The following MRPS30 variants were observed in gnomAD, a reference collection of about 807,000 sequenced individuals.
The protein encoded by MRPS30 is large ribosomal subunit protein mL65.
A neutral mutation model predicts 43.8 loss-of-function variants in MRPS30; 42 were observed. The ratio of observed to expected loss-of-function variants is 0.96; its 90% CI spans 0.75 to 1.24. MRPS30 has a LOEUF of 1.24. Ranked by LOEUF, MRPS30 falls within the 50% of genes most tolerant of loss-of-function variation. The pLI is 0.00. For missense variants in MRPS30, 638 were observed against 570.0 expected (o/e 1.12, Z -1.22); for synonymous variants, 273 against 228.2 (o/e 1.20, Z -1.77).
chr5:44,809,897 G>A (rs1579855839), intron 1 of MRPS30: 6 of 283,002 alleles, frequency 2.1e-5, no homozygotes, highest in Non-Finnish European at 3.3e-5. Flanking sequence ...AGAGTGGGGC[G>A]GGCCAGGTTT....
Position 44,815,042 on chromosome 5 carries a change from A to G in MRPS30, c.1160A>G (p.Asn387Ser). ...LALTTQADQN[N>S]PRKNICWGTQ... ...CTGACTACACAAGCTGATCAAAATA[A>G]CCCTCGTAAAAATATATGTTGGGGT... is the stretch of plus-strand genomic sequence containing the variant. The change falls in exon 5 of 5, where the codon AAC becomes AGC. Residue 387 changes from asparagine (N) to serine (S), a missense_variant. Coordinates refer to ENST00000507110, the MANE Select transcript of MRPS30 (RefSeq NM_016640.4). The G allele has an allele frequency of 6.2e-7, 1 of 1,613,914 alleles. No individual in the cohort carries two copies. Among genetic ancestry groups the G allele is most frequent in the South Asian group, 1.1e-5 (1 of 91,080 alleles).
intron 4 of MRPS30, among the ~76,000 whole-genome samples, chr5:44,813,844 G>T (rs1364607475): frequency 6.6e-6 from 1 of 152,018 alleles, no homozygotes. Context: ...TATAACTAGT[G>T]GTAATACTAT....
intron 1 of MRPS30, 25 bp from the exon 2 acceptor site, chr5:44,810,984 A>G (rs1579856764): frequency 1.2e-6 from 2 of 1,605,088 alleles, no homozygotes; most frequent in East Asian, 2.2e-5. Context: ...TCAGATGAAA[A>G]AAATTTTGAA....
Position 44,814,935 on chromosome 5 carries a change from T to C in MRPS30, c.1053T>C (p.Val351=), listed in dbSNP as rs745463187. 6.2e-7 allele frequency: 1 copy of C among 1,611,676 alleles called. No homozygotes were observed. The highest frequency in any genetic ancestry group is 8.5e-7 in the Non-Finnish European group (1 of 1,178,800). The part of the protein sequence containing the change: ...MYQGFWSEAD[V]TRPFVSQAVI... ...CAGGATTCTGGAGTGAAGCAGATGT[T>C]ACTCGACCTTTTGTCTCCCAGGCTG... The change falls in exon 5 of 5, where the codon GTT becomes GTC. Residue 351 remains valine (V), a synonymous_variant. Coordinates refer to ENST00000507110, the MANE Select transcript of MRPS30 (RefSeq NM_016640.4).
In MRPS30 at chr5:44,809,414, T is replaced by A. The variant is rs538298002; in HGVS notation, c.452T>A (p.Leu151Gln). The change falls in exon 1 of 5, where the codon CTG (leucine) becomes CAG (glutamine). Residue 151 changes from leucine to glutamine, a missense_variant. Coordinates refer to ENST00000507110, the MANE Select transcript of MRPS30 (RefSeq NM_016640.4). ...CGTGCGGTCGCCTGCGACTGCCTGC[T>A]GCAGGAGCACTTCTACCTGCGGCGC... ...ALRAVACDCL[L>Q]QEHFYLRRRR... 5.0e-6 allele frequency: 8 copies of A among 1,612,890 alleles called. No individual in the cohort carries two copies. The highest frequency in any genetic ancestry group is 6.8e-6 in the Non-Finnish European group (8 of 1,179,542).
intron 3 of MRPS30, among the ~76,000 whole-genome samples, chr5:44,812,383 G>A (rs1194958209): frequency 1.3e-5 from 2 of 152,100 alleles, no homozygotes; most frequent in African/African-American, 4.8e-5. Context: ...ATGCATGGTG[G>A]TAAGATAAGG....
At position 44,811,954 on chromosome 5, in the gene MRPS30, A is replaced by T; in HGVS notation, c.787A>T (p.Thr263Ser). Residue 263 changes from threonine to serine, a missense_variant, in exon 3 of 5, where the codon ACT becomes TCT. By Grantham distance (58) the Thr-to-Ser change is moderately conservative. Coordinates refer to ENST00000507110, the MANE Select transcript of MRPS30 (RefSeq NM_016640.4). Reference protein sequence around the residue: ...LDYSVPIEIPTIKCKPDKLPL... With the variant: ...LDYSVPIEIPSIKCKPDKLPL... ...TTATTCTGTTCCTATAGAAATCCCC[A>T]CTATAAAATGTAAACCAGACAAACT... 5 of 1,599,232 alleles carry T rather than the reference A, an allele frequency of 3.1e-6. No homozygotes were observed. The highest frequency in any genetic ancestry group is 4.3e-6 in the Non-Finnish European group (5 of 1,172,330).
intron 1 of MRPS30, among the ~76,000 whole-genome samples, chr5:44,810,462 T>G (rs1045754579): frequency 6.6e-6 from 1 of 152,234 alleles, no homozygotes; most frequent in Non-Finnish European, 1.5e-5. Flanking sequence ...TATGTCTTAA[T>G]ATTTATTGAA....
Position 44,811,100 on chromosome 5 carries a change from C to T in MRPS30, c.693C>T (p.Tyr231=). 1 of 1,613,950 alleles carries T rather than the reference C, an allele frequency of 6.2e-7. No homozygotes were observed. The highest frequency in any genetic ancestry group is 8.5e-7 in the Non-Finnish European group (1 of 1,179,932). The change falls in exon 2 of 5, where the codon TAC becomes TAT. Residue 231 remains tyrosine (Y), a synonymous_variant. Coordinates refer to ENST00000507110, the MANE Select transcript of MRPS30 (RefSeq NM_016640.4). ...HRRGRIDDLR[Y]QIDDKPNNQI... Reference sequence around the variant, plus strand: ...GAGGTCGAATTGATGACTTGCGATACCAGATAGATGATAAACCAAACAACC... The same window carrying T: ...GAGGTCGAATTGATGACTTGCGATATCAGATAGATGATAAACCAAACAACC...
intron 4 of MRPS30, 104 bp downstream of exon 4, chr5:44,813,386 A>G (rs1742873874): frequency 4.0e-6 from 4 of 1,002,104 alleles, no homozygotes; most frequent in Non-Finnish European, 4.1e-6. Flanking sequence ...TTGAATCTTA[A>G]CATTTTTAAA....
chr5:44,815,012 T>G lies in MRPS30; in HGVS notation c.1130T>G (p.Leu377Trp). 1 of 1,613,880 alleles carries G rather than the reference T, an allele frequency of 6.2e-7. No homozygotes were observed. Among genetic ancestry groups the G allele is most frequent in the Middle Eastern group, 1.7e-4 (1 of 6,060 alleles). Reference sequence around the variant, plus strand: ...TTTTTCTGCTACCAGCTAAATACTTTGGCACTGACTACACAAGCTGATCAA... The same window carrying G: ...TTTTTCTGCTACCAGCTAAATACTTGGGCACTGACTACACAAGCTGATCAA... Reference protein sequence around the residue: ...FSFFCYQLNTLALTTQADQNN... With the variant: ...FSFFCYQLNTWALTTQADQNN... The change falls in exon 5 of 5, where the codon TTG becomes TGG. Residue 377 changes from leucine (L) to tryptophan (W), a missense_variant. Coordinates refer to ENST00000507110, the MANE Select transcript of MRPS30 (RefSeq NM_016640.4).
chr5:44,813,032 T>C, intron 3 of MRPS30, 74 bp from the exon 4 acceptor site: 4 of 1,462,396 alleles, frequency 2.7e-6, no homozygotes, highest in Non-Finnish European at 3.7e-6. Context: ...AAAAAAAGGC[T>C]CAAATACTAA....
chr5:44,813,211 T>C lies in MRPS30; in HGVS notation c.959T>C (p.Ile320Thr). The C allele has an allele frequency of 6.2e-7, 1 of 1,612,954 alleles. No individual in the cohort carries two copies. Among genetic ancestry groups the C allele is most frequent in the Non-Finnish European group, 8.5e-7 (1 of 1,179,516 alleles). Residue 320 changes from isoleucine to threonine, a missense_variant, in exon 4 of 5, where the codon ATA becomes ACA. Physicochemically the swap from Ile to Thr is moderately conservative, Grantham distance 89. Transcript: ENST00000507110. ...TTGAGACAAAACTGTGCTGATCAGA[T>C]AGAAGTTGTTTTTAGAGCTAATGCT... Reference protein sequence around the residue: ...RLLRQNCADQIEVVFRANAIA... With the variant: ...RLLRQNCADQTEVVFRANAIA...
rs571066667 is a variant in MRPS30 at position 44,811,807 on chromosome 5, A to G, written c.748-108A>G. 687 of 702,584 alleles carry G rather than the reference A, an allele frequency of 9.8e-4. 8 individuals are homozygous for G. The highest frequency in any genetic ancestry group is 2.6e-3 in the Middle Eastern group (6 of 2,352). 43.5% of individuals were successfully genotyped at this position (702,584 alleles called of 1,614,324 possible). A position where few individuals can be genotyped will look rare whatever the true frequency, so the allele number is the denominator to read the frequency against. On this transcript the variant is annotated intron_variant, in intron 2 of 4. Transcript: ENST00000507110. The stretch of plus-strand genomic sequence containing the variant: ...CATCATTCGATGATAGTATTATCAA[A>G]TCATTTTGTGAAATCACCTCATTTT...
rs1372950323 is a variant in MRPS30 at position 44,813,467 on chromosome 5, C to T, written c.1030+185C>T. On this transcript the variant is annotated intron_variant, in intron 4 of 4. Transcript: ENST00000507110. ...AATACTATACATTTGAAATCTGACA[C>T]TGAGGTAGTTGTTTTTGTCTTTTAC... is the stretch of plus-strand genomic sequence containing the variant. The T allele has an allele frequency of 8.5e-6, 4 of 468,006 alleles. No individual in the cohort carries two copies. The South Asian group carries it at 1.2e-4, about 14-fold the overall frequency. The allele number at this position is 468,006 out of a possible 1,614,324, so 29.0% of individuals were successfully genotyped here.
chr5:44,813,028 A>C (rs1458665056), intron 3 of MRPS30, 78 bp from the exon 4 acceptor site: 2 of 1,409,886 alleles, frequency 1.4e-6, no homozygotes, highest in Admixed American at 2.2e-5. Context: ...AGGAAAAAAA[A>C]GGCTCAAATA....
Position 44,811,772 on chromosome 5 carries a change from C to T in MRPS30, c.748-143C>T, listed in dbSNP as rs1579857326. The T allele has an allele frequency of 7.4e-6, 4 of 537,322 alleles. No homozygotes were observed. In the East Asian group the frequency reaches 1.0e-4, roughly 14 times the overall value. 33.3% of individuals were successfully genotyped at this position (537,322 alleles called of 1,614,324 possible). A position where few individuals can be genotyped will look rare whatever the true frequency, so the allele number is the denominator to read the frequency against. On this transcript the variant is annotated intron_variant, in intron 2 of 4. Transcript: ENST00000507110. ...TACTTGTAAAAACAGGTGGCTTGCT[C>T]GATTTGGCCCATCATTCGATGATAG... is the stretch of plus-strand genomic sequence containing the variant.
intron 2 of MRPS30, 36 bp downstream of exon 2, chr5:44,811,190 C>A (rs1290577303): frequency 1.9e-6 from 3 of 1,604,866 alleles, no homozygotes; most frequent in African/African-American, 1.3e-5. Context: ...CTATTGATAT[C>A]TCGTGTAGGA....
chr5:44,809,618 T>C, intron 1 of MRPS30, 55 bp downstream of exon 1: 3 of 1,473,862 alleles, frequency 2.0e-6, no homozygotes, highest in Non-Finnish European at 2.7e-6. Context: ...TTGTACTGGG[T>C]TACTCTGCCG....
Sources: gnomAD v4.1 joint callset for allele counts (sites outside exome capture counted in the v4.1 genomes callset) on GRCh38, gnomAD v4.1.1 for gene constraint, MANE v1.5 for transcripts, NCBI Gene and HGNC (gene_info 2026-07-23, HGNC 2026-07-21) for gene names.